Variants in ZAR1 observed in about 807,000 individuals in gnomAD.
ZAR1 encodes the protein zygote arrest 1.
ZAR1 carries 37 observed loss-of-function variants against 38.3 expected under a neutral mutation model. That is an observed-to-expected ratio of 0.97 (90% CI 0.74 to 1.27). The LOEUF is 1.27. ZAR1 is among the 50% of genes most tolerant of loss of function. The pLI, the probability that ZAR1 is intolerant of heterozygous loss-of-function variation, is 0.00. For synonymous variants in ZAR1, 336 were observed against 292.0 expected, an observed-to-expected ratio of 1.15 and a Z score of -1.53; for missense variants, 651 against 632.4, an observed-to-expected ratio of 1.03 and a Z score of -0.32.
At chr4:48,494,727 T>C (rs1718540296), downstream of ZAR1, among the ~76,000 whole-genome samples, 1 of 151,998 alleles carries the variant, frequency 6.6e-6, no homozygotes, top group Non-Finnish European at 1.5e-5. Flanking sequence ...ATTAAGGCAT[T>C]CTTTTGGGAG....
At chr4:48,495,177 C>T (rs1213597119), downstream of ZAR1, among the ~76,000 whole-genome samples, 1 of 152,094 alleles carries the variant, frequency 6.6e-6, no homozygotes, top group Non-Finnish European at 1.5e-5. Context: ...ACACTGAGGC[C>T]CCACTGCCAG....
chr4:48,491,631 C>A (rs1240810181), intron 1 of ZAR1, among the ~76,000 whole-genome samples: 1 of 152,230 alleles, frequency 6.6e-6, no homozygotes, highest in Non-Finnish European at 1.5e-5. Flanking sequence ...GCTGGAGAGT[C>A]GATTCCCAAG....
At chr4:48,491,746 G>A (rs571566597) in intron 1 of ZAR1, among the ~76,000 whole-genome samples, 1 of 152,338 alleles carries the variant, frequency 6.6e-6, no homozygotes, top group South Asian at 2.1e-4. Context: ...CAGGCTATTG[G>A]AAAGCTGGAG....
chr4:48,495,925 TG>T (rs1718584631), downstream of ZAR1, among the ~76,000 whole-genome samples: 1 of 152,182 alleles, frequency 6.6e-6, no homozygotes, highest in South Asian at 2.1e-4. Flanking sequence ...AGCGCCAGAC[TG>T]GAAGGGTGTT....
At chr4:48,492,574 C>A (rs1718473874) in intron 1 of ZAR1, among the ~76,000 whole-genome samples, 192 bp from the exon 2 acceptor site, 1 of 152,200 alleles carries the variant, frequency 6.6e-6, no homozygotes. Flanking sequence ...AAGGCCCATG[C>A]TTGCTTAATT....
chr4:48,493,663 G>T (rs777693385), intron 3 of ZAR1, among the ~76,000 whole-genome samples: 2 of 152,182 alleles, frequency 1.3e-5, no homozygotes, highest in Non-Finnish European at 2.9e-5. Flanking sequence ...CTTGACCCAC[G>T]TTGGATATTT....
chr4:48,490,860 T>C lies in ZAR1; in HGVS notation c.569T>C (p.Leu190Pro), dbSNP rs2148673675. Reference sequence around the variant, plus strand: ...TACTCGCCCCTGGCCTTGCGCCGTCTCACCGCCTTCCTGGAGGGGCCCGGG... The same window carrying C: ...TACTCGCCCCTGGCCTTGCGCCGTCCCACCGCCTTCCTGGAGGGGCCCGGG... ...AVYSPLALRR[L>P]TAFLEGPGPA... The change falls in exon 1 of 4, where the codon CTC becomes CCC. Residue 190 changes from leucine to proline, a missense_variant. Physicochemically the swap from Leu to Pro is moderately conservative, Grantham distance 98 (BLOSUM62 -3). Around this residue, in one of 2 missense-constraint regions of ZAR1, gnomAD observed 522 missense variants for 459.9 expected, o/e 1.14. Transcript: ENST00000327939. 2 of 1,465,170 alleles carry C rather than the reference T, an allele frequency of 1.4e-6. No individual in the cohort carries two copies. The highest frequency in any genetic ancestry group is 1.3e-5 in the South Asian group (1 of 75,246). 90.8% of individuals were successfully genotyped at this position (1,465,170 alleles called of 1,614,324 possible).
intron 1 of ZAR1, among the ~76,000 whole-genome samples, chr4:48,492,461 C>A (rs975608361): frequency 5.3e-5 from 8 of 152,150 alleles, no homozygotes; most frequent in African/African-American, 1.9e-4. Context: ...TCTTAAAAGG[C>A]CTTCCTACAG....
intron 3 of ZAR1, 59 bp downstream of exon 3, chr4:48,493,071 A>G (rs1718490786): frequency 1.2e-5 from 19 of 1,534,536 alleles, no homozygotes; most frequent in Non-Finnish European, 1.5e-5. Context: ...TTTTTAGTAT[A>G]GTTTGAGTAT....
intron 1 of ZAR1, 109 bp downstream of exon 1, chr4:48,491,363 G>A (rs1718438342): frequency 2.3e-6 from 2 of 875,606 alleles, no homozygotes; most frequent in Non-Finnish European, 3.0e-6. Flanking sequence ...GCTTCCCTAA[G>A]CGTGGGCTAC....
At position 48,490,906 on chromosome 4, in the gene ZAR1, G is replaced by T. The variant is rs752137624; in HGVS notation, c.615G>T (p.Arg205Ser). Residue 205 changes from arginine to serine, a missense_variant, in exon 1 of 4, where the codon AGG becomes AGT. Arg to Ser is a moderately radical substitution (Grantham distance 110). Transcript: ENST00000327939. ...EGPGPAAGEQRSGASDGERGP... is the reference protein window; with the variant it reads ...EGPGPAAGEQSSGASDGERGP... Reference sequence around the variant, plus strand: ...CCGGGCCCGCGGCGGGCGAGCAGAGGTCCGGGGCGTCGGACGGAGAGAGGG... The same window carrying T: ...CCGGGCCCGCGGCGGGCGAGCAGAGTTCCGGGGCGTCGGACGGAGAGAGGG... The T allele has an allele frequency of 1.5e-6, 2 of 1,367,034 alleles. No homozygotes were observed. The highest frequency in any genetic ancestry group is 3.1e-5 in the East Asian group (1 of 32,262). The allele number at this position is 1,367,034 out of a possible 1,614,324, so 84.7% of individuals were successfully genotyped here. A position where few individuals can be genotyped will look rare whatever the true frequency, so the allele number is the denominator to read the frequency against.
chr4:48,494,360 A>C lies in ZAR1; in HGVS notation c.*116A>C. The C allele has an allele frequency of 7.4e-7, 1 of 1,354,716 alleles. No individual in the cohort carries two copies. The highest frequency in any genetic ancestry group is 2.1e-5 in the Admixed American group (1 of 47,008). The allele number at this position is 1,354,716 out of a possible 1,614,324, so 83.9% of individuals were successfully genotyped here. A position where few individuals can be genotyped will look rare whatever the true frequency, so the allele number is the denominator to read the frequency against. On this transcript the variant is annotated 3_prime_UTR_variant, in exon 4 of 4. Coordinates refer to ENST00000327939, the MANE Select transcript of ZAR1 (RefSeq NM_175619.3). ...TCATGAAAGGCAGTGTATTCTGAAA[A>C]AGCCTTCAAATAAAGGTATTGCAAC...
At position 48,490,622 on chromosome 4, in the gene ZAR1, A is replaced by G; in HGVS notation, c.331A>G (p.Ser111Gly). The G allele has an allele frequency of 7.3e-7, 1 of 1,362,012 alleles. No homozygotes were observed. Among genetic ancestry groups the G allele is most frequent in the Non-Finnish European group, 9.4e-7 (1 of 1,067,784 alleles). 84.4% of individuals were successfully genotyped at this position (1,362,012 alleles called of 1,614,324 possible). Reference protein sequence around the residue: ...AGSCDVAVQVSPRIDAAVQCS... With the variant: ...AGSCDVAVQVGPRIDAAVQCS... ...CAGCTGCGACGTGGCGGTGCAGGTG[A>G]GCCCGCGCATCGACGCCGCGGTACA... The change falls in exon 1 of 4, where the codon AGC becomes GGC. Residue 111 changes from serine (S) to glycine (G), a missense_variant. Transcript: ENST00000327939.
rs764464441 is a variant in ZAR1 at position 48,490,373 on chromosome 4, G to A, written c.82G>A (p.Ala28Thr). ...CTGCTCGTACCGGTACCCATACCCC[G>A]CGGCCACCAAGGGCAAGGGCGCGGC... ...PPCSYRYPYP[A>T]ATKGKGAAGG... The change falls in exon 1 of 4, where the codon GCG becomes ACG. Residue 28 changes from alanine to threonine, a missense_variant. Physicochemically the swap from Ala to Thr is moderately conservative, Grantham distance 58. Around this residue, in one of 2 missense-constraint regions of ZAR1, gnomAD observed 522 missense variants for 459.9 expected, o/e 1.14. Transcript: ENST00000327939. 11 of 1,504,516 alleles carry A rather than the reference G, an allele frequency of 7.3e-6. No individual in the cohort carries two copies. Among genetic ancestry groups the A allele is most frequent in the Non-Finnish European group, 9.7e-6 (11 of 1,133,296 alleles). The allele number at this position is 1,504,516 out of a possible 1,614,324, so 93.2% of individuals were successfully genotyped here. A position where few individuals can be genotyped will look rare whatever the true frequency, so the allele number is the denominator to read the frequency against.
chr4:48,490,942 C>G lies in ZAR1; in HGVS notation c.651C>G (p.Pro217=). The change falls in exon 1 of 4, where the codon CCC becomes CCG. Residue 217 remains proline, a synonymous_variant. Coordinates refer to ENST00000327939, the MANE Select transcript of ZAR1 (RefSeq NM_175619.3). The part of the protein sequence containing the change: ...GASDGERGPP[P]ARLQGPEEGE... ...CGGACGGAGAGAGGGGGCCGCCGCC[C>G]GCGCGGCTTCAAGGCCCAGAGGAGG... The G allele has an allele frequency of 7.5e-7, 1 of 1,341,376 alleles. No homozygotes were observed. The highest frequency in any genetic ancestry group is 9.5e-7 in the Non-Finnish European group (1 of 1,050,918). 83.1% of individuals were successfully genotyped at this position (1,341,376 alleles called of 1,614,324 possible).
Position 48,490,849 on chromosome 4 carries a change from C to A in ZAR1, c.558C>A (p.Ala186=). 1 of 1,480,424 alleles carries A rather than the reference C, an allele frequency of 6.8e-7. No individual in the cohort carries two copies. Among genetic ancestry groups the A allele is most frequent in the African/African-American group, 1.4e-5 (1 of 69,128 alleles). The allele number at this position is 1,480,424 out of a possible 1,614,324, so 91.7% of individuals were successfully genotyped here. ...PRTVAVYSPL[A]LRRLTAFLEG... ...CCGTCGCCGTGTACTCGCCCCTGGC[C>A]TTGCGCCGTCTCACCGCCTTCCTGG... The change falls in exon 1 of 4, where the codon GCC becomes GCA. Residue 186 remains alanine (A), a synonymous_variant. Transcript: ENST00000327939.
downstream of ZAR1, among the ~76,000 whole-genome samples, chr4:48,496,416 G>A (rs1205141629): frequency 2.7e-5 from 2 of 75,294 alleles, no homozygotes; most frequent in East Asian, 4.1e-4. Flanking sequence ...TTACATAAAT[G>A]TACCTACATT....
rs1358883029 is a variant in ZAR1 at position 48,492,954 on chromosome 4, T to A, written c.1073T>A (p.Phe358Tyr). The change falls in exon 3 of 4, where the codon TTT becomes TAT. Residue 358 changes from phenylalanine to tyrosine, a missense_variant. Phe to Tyr is a conservative substitution (Grantham distance 22). Around this residue, in one of 2 missense-constraint regions of ZAR1, gnomAD observed 129 missense variants for 172.5 expected, o/e 0.75. Transcript: ENST00000327939. ...QGTNKVYFKQFCRTCQKSYNP... is the reference protein window; with the variant it reads ...QGTNKVYFKQYCRTCQKSYNP... The stretch of plus-strand genomic sequence containing the variant: ...TCATCACAGGTTTACTTCAAACAGT[T>A]TTGCAGAACTTGTCAGAAGTCTTAT... 2 of 1,614,196 alleles carry A rather than the reference T, an allele frequency of 1.2e-6. No homozygotes were observed. The highest frequency in any genetic ancestry group is 1.7e-6 in the Non-Finnish European group (2 of 1,180,022).
chr4:48,491,224 G>A lies in ZAR1; in HGVS notation c.933G>A (p.Pro311=), dbSNP rs1386737077. ...VAGEGPSPRS[P]ELGKERLRFQ... ...GAGAGGGGCCGTCGCCACGGAGCCC[G>A]GAGCTGGGCAAGGAGCGGCTGCGCT... The change falls in exon 1 of 4, where the codon CCG becomes CCA. Residue 311 remains proline, a synonymous_variant. Coordinates refer to ENST00000327939, the MANE Select transcript of ZAR1 (RefSeq NM_175619.3). 4 of 1,232,732 alleles carry A rather than the reference G, an allele frequency of 3.2e-6. No homozygotes were observed. The highest frequency in any genetic ancestry group is 4.0e-6 in the Non-Finnish European group (4 of 988,130). 76.4% of individuals were successfully genotyped at this position (1,232,732 alleles called of 1,614,324 possible).
Sources: allele counts gnomAD v4.1 joint callset (sites outside exome capture counted in the v4.1 genomes callset), GRCh38; gene constraint gnomAD v4.1.1; regional missense constraint gnomAD v4.1.1; transcripts MANE v1.5; gene names NCBI Gene and HGNC (gene_info 2026-07-23, HGNC 2026-07-21).